Variants in ABCB5 observed in about 807,000 individuals in gnomAD.
The protein encoded by ABCB5 is ATP binding cassette subfamily B member 5.
In ABCB5, 155 loss-of-function variants were observed where a neutral mutation model predicts 144.2. That is an observed-to-expected ratio of 1.08 (90% CI 0.94 to 1.23). The LOEUF is 1.23. Ranked by LOEUF, ABCB5 falls within the 50% of genes most tolerant of loss-of-function variation. The pLI is 0.00. For missense variants in ABCB5, 1,830 were observed against 1,520.8 expected (o/e 1.20, Z -3.38); for synonymous variants, 610 against 528.6 (o/e 1.15, Z -2.11).
At chr7:20,677,015 A>G (rs1785636121) in intron 14 of ABCB5, among the ~76,000 whole-genome samples, 1 of 152,158 alleles carries the variant, frequency 6.6e-6, no homozygotes, top group Non-Finnish European at 1.5e-5. Context: ...TTTGTAGTTA[A>G]TTACCTTGTA....
intron 14 of ABCB5, among the ~76,000 whole-genome samples, chr7:20,665,585 A>G (rs1033040046): frequency 6.6e-6 from 1 of 152,240 alleles, no homozygotes; most frequent in South Asian, 2.1e-4. Context: ...GTACTAGGGT[A>G]CTAGGGTCTC....
At chr7:20,716,937 C>T (rs1453607144) in intron 20 of ABCB5, among the ~76,000 whole-genome samples, 2 of 152,110 alleles carry the variant, frequency 1.3e-5, no homozygotes, top group African/African-American at 4.8e-5. Flanking sequence ...ACTCGATTCC[C>T]CAGCGATCTC....
intron 13 of ABCB5, among the ~76,000 whole-genome samples, chr7:20,656,631 G>A (rs895409489): frequency 6.6e-6 from 1 of 152,108 alleles, no homozygotes. Flanking sequence ...GATGATGTAA[G>A]CAATTAGATC....
chr7:20,631,461 G>A (rs958627673), intron 4 of ABCB5, among the ~76,000 whole-genome samples: 1 of 152,068 alleles, frequency 6.6e-6, no homozygotes, highest in Non-Finnish European at 1.5e-5. Flanking sequence ...TTATAATCAT[G>A]GATATCAACC....
At chr7:20,734,074 T>C (rs1782308864) in intron 23 of ABCB5, among the ~76,000 whole-genome samples, 2 of 152,154 alleles carry the variant, frequency 1.3e-5, no homozygotes, top group African/African-American at 2.4e-5. Context: ...AAGAGCAACA[T>C]AGCACTATGC....
intron 14 of ABCB5, among the ~76,000 whole-genome samples, chr7:20,668,695 G>C (rs1384567277): frequency 6.9e-6 from 1 of 144,230 alleles, no homozygotes. Context: ...CCTCTGCCCG[G>C]CCAGTCGCCC....
At chr7:20,695,090 G>A (rs1786361780) in intron 16 of ABCB5, among the ~76,000 whole-genome samples, 1 of 151,914 alleles carries the variant, frequency 6.6e-6, no homozygotes, top group African/African-American at 2.4e-5. Context: ...TTTAAAAAGA[G>A]CAAAGTTGGA....
chr7:20,666,628 G>T, intron 14 of ABCB5: 1 of 1,191,044 alleles, frequency 8.4e-7, no homozygotes, highest in South Asian at 2.1e-5. Context: ...TCAGCAAAGT[G>T]TCAAGTAGAG....
At position 20,681,054 on chromosome 7, in the gene ABCB5, CTCTCTCTTTCTTTCTTTCTTTCTTTCTT is replaced by C. The variant is rs1785794647; in HGVS notation, c.1708-447_1708-420del. Among the ~76,000 whole-genome samples the C allele has an allele frequency of 1.3e-4, 6 of 45,378 alleles. 1 individual carries two copies. The highest frequency in any genetic ancestry group is 7.8e-4 in the African/African-American group (6 of 7,658). 29.8% of individuals were successfully genotyped at this position (45,378 alleles called of 152,430 possible). On this transcript the variant is annotated intron_variant, in intron 14 of 27. Transcript: ENST00000404938. ...TCTTTCTCTTTCTTTCTTTCTCTCT[CTCTCTCTTTCTTTCTTTCTTTCTTTCTT>C]TCTTTCTTTCTTTCTTTCTTTCTTT...
Position 20,643,288 on chromosome 7 carries a change from G to C in ABCB5, c.419G>C (p.Arg140Pro), listed in dbSNP as rs368226947. ...ITAARQTKRIRKQFFHSVLAQ... is the reference protein window; with the variant it reads ...ITAARQTKRIPKQFFHSVLAQ... ...GCAGCACGACAGACCAAGAGGATTCGAAAACAGTTTTTTCATTCAGTTTTG... is the reference window on the plus strand; with the variant it reads ...GCAGCACGACAGACCAAGAGGATTCCAAAACAGTTTTTTCATTCAGTTTTG... Residue 140 changes from arginine (R) to proline (P), a missense_variant, in exon 6 of 28, where the codon CGA becomes CCA. By Grantham distance (103) the Arg-to-Pro change is moderately radical. Coordinates refer to ENST00000404938, the MANE Select transcript of ABCB5 (RefSeq NM_001163941.2). 1 of 1,613,882 alleles carries C rather than the reference G, an allele frequency of 6.2e-7. No individual in the cohort carries two copies. Among genetic ancestry groups the C allele is most frequent in the Non-Finnish European group, 8.5e-7 (1 of 1,179,876 alleles).
At chr7:20,655,109 G>A (rs1784733627) in intron 13 of ABCB5, among the ~76,000 whole-genome samples, 2 of 149,918 alleles carry the variant, frequency 1.3e-5, no homozygotes, top group African/African-American at 4.9e-5. Context: ...GAAAAGAGAT[G>A]GCCAGTATCA....
chr7:20,659,635 G>C (rs1030396910), intron 14 of ABCB5: 9 of 988,158 alleles, frequency 9.1e-6, no homozygotes, highest in Admixed American at 6.0e-5. Context: ...CGGCAATTTG[G>C]TTCATCTTGG....
chr7:20,630,460 T>A (rs902449552), intron 4 of ABCB5, among the ~76,000 whole-genome samples: 6 of 152,112 alleles, frequency 3.9e-5, no homozygotes, highest in African/African-American at 1.4e-4. Context: ...CGTGTGCTAA[T>A]CTTGAGTGGG....
chr7:20,623,582 C>G lies in ABCB5; in HGVS notation c.53+244C>G, dbSNP rs539538892. On this transcript the variant is annotated intron_variant, in intron 2 of 27. Transcript: ENST00000404938. ...TATTGATTTAGTGCTTCAGATATCT[C>G]CTCTTCTGAATTTCTCATCGTTAAT... is the stretch of plus-strand genomic sequence containing the variant. Among the ~76,000 whole-genome samples the G allele has an allele frequency of 3.3e-5, 5 of 152,234 alleles. No individual in the cohort carries two copies. The South Asian group carries it at 1.0e-3, about 32-fold the overall frequency.
At chr7:20,736,189 G>A (rs559176863) in intron 23 of ABCB5, among the ~76,000 whole-genome samples, 1 of 152,094 alleles carries the variant, frequency 6.6e-6, no homozygotes, top group Non-Finnish European at 1.5e-5. Flanking sequence ...CTACAGAAGT[G>A]TGAGAGCTTT....
intron 23 of ABCB5, 41 bp from the exon 24 acceptor site, chr7:20,738,942 G>T: frequency 6.5e-7 from 1 of 1,528,958 alleles, no homozygotes; most frequent in Non-Finnish European, 8.8e-7. Context: ...TTTTACAAAG[G>T]ATCGATGGAC....
In ABCB5 at chr7:20,691,184, T is replaced by C. The variant is rs959741002; in HGVS notation, c.2010+5348T>C. The stretch of plus-strand genomic sequence containing the variant: ...CCCAGTGGACTTTTTTTTTTTTTTT[T>C]TTTTTTTTTTTTTTTTTGAGACGGA... On this transcript the variant is annotated intron_variant, in intron 16 of 27. Coordinates refer to ENST00000404938, the MANE Select transcript of ABCB5 (RefSeq NM_001163941.2). Among the ~76,000 whole-genome samples the C allele has an allele frequency of 4.6e-3, 618 of 135,106 alleles. 10 individuals are homozygous for C. The highest frequency in any genetic ancestry group is 0.016 in the African/African-American group (588 of 36,244). The allele number at this position is 135,106 out of a possible 152,430, so 88.6% of individuals were successfully genotyped here. A position where few individuals can be genotyped will look rare whatever the true frequency, so the allele number is the denominator to read the frequency against.
chr7:20,722,421 C>G (rs1781897781), intron 20 of ABCB5, among the ~76,000 whole-genome samples: 1 of 152,292 alleles, frequency 6.6e-6, no homozygotes, highest in South Asian at 2.1e-4. Flanking sequence ...AAAAGTCTCC[C>G]TTTAAGGAGG....
intron 14 of ABCB5, among the ~76,000 whole-genome samples, chr7:20,673,034 A>C (rs183338048): frequency 7.9e-5 from 12 of 152,046 alleles, no homozygotes; most frequent in African/African-American, 2.7e-4. Flanking sequence ...ATATGAAGTC[A>C]TTTACTTGAA....
Sources: allele counts gnomAD v4.1 joint callset (sites outside exome capture counted in the v4.1 genomes callset), GRCh38; gene constraint gnomAD v4.1.1; transcripts MANE v1.5; gene names NCBI Gene and HGNC (gene_info 2026-07-23, HGNC 2026-07-21).